The following IL33 variants were observed in gnomAD, a reference collection of about 807,000 sequenced individuals.
The protein encoded by IL33 is interleukin 33, also known as interleukin-33.
Under a neutral mutation model 27.3 loss-of-function variants are expected in IL33, and 37 were observed. That is an observed-to-expected ratio of 1.36 (90% CI 1.04 to 1.78). The LOEUF (loss-of-function observed/expected upper bound fraction) is 1.78, where lower values mean the gene tolerates loss of function less well. IL33 is among the 40% of genes most tolerant of loss of function. The probability of loss-of-function intolerance (pLI) is 0.00; values close to 1 mark genes in which losing one functional copy is unlikely to be tolerated. For missense variants in IL33, 406 were observed against 311.4 expected (o/e 1.30, Z -2.29); for synonymous variants, 132 against 102.9 (o/e 1.28, Z -1.71).
chr9:6,249,872 T>C (rs924161868), intron 2 of IL33, among the ~76,000 whole-genome samples: 2 of 152,226 alleles, frequency 1.3e-5, no homozygotes, highest in African/African-American at 4.8e-5. Flanking sequence ...TGGCCCACTG[T>C]AGACACTTAG....
chr9:6,215,328 G>A (rs187424817), upstream of IL33, among the ~76,000 whole-genome samples: 9 of 152,308 alleles, frequency 5.9e-5, no homozygotes, highest in Non-Finnish European at 1.2e-4. Flanking sequence ...AGGAAAGCCC[G>A]TCAGATATGT....
chr9:6,253,915 A>G (rs1286084281), intron 6 of IL33, among the ~76,000 whole-genome samples: 3 of 152,164 alleles, frequency 2.0e-5, no homozygotes, highest in East Asian at 1.9e-4. Flanking sequence ...ATCTCCTTCT[A>G]TCTTGTGGTT....
At chr9:6,249,095 C>G (rs529902144) in intron 2 of IL33, among the ~76,000 whole-genome samples, 9 of 152,222 alleles carry the variant, frequency 5.9e-5, no homozygotes, top group Non-Finnish European at 1.2e-4. Context: ...GATATTTCTG[C>G]ATTAAGAATC....
In IL33 at chr9:6,238,462, A is replaced by G. The variant is rs570479548; in HGVS notation, c.-11-3222A>G. The stretch of plus-strand genomic sequence containing the variant: ...GACCATTGAGGATTTTGCACATGGG[A>G]CTGGATGTAAATAGGTGGCATGCAC... On this transcript the variant is annotated intron_variant, in intron 1 of 7. Coordinates refer to ENST00000682010, the MANE Select transcript of IL33 (RefSeq NM_033439.4). Among the ~76,000 whole-genome samples, 139 of 152,268 alleles carry G rather than the reference A, an allele frequency of 9.1e-4. 1 individual carries two copies. The highest frequency in any genetic ancestry group is 1.5e-3 in the Non-Finnish European group (103 of 68,016).
At chr9:6,216,146 T>A (rs994933200) in intron 1 of IL33, among the ~76,000 whole-genome samples, 1 of 152,156 alleles carries the variant, frequency 6.6e-6, no homozygotes, top group Non-Finnish European at 1.5e-5. Context: ...TTATGTTTTT[T>A]AAGAGATGGG....
chr9:6,245,333 G>A (rs1027662669), intron 2 of IL33, among the ~76,000 whole-genome samples: 2 of 152,136 alleles, frequency 1.3e-5, no homozygotes, highest in Admixed American at 1.3e-4. Flanking sequence ...GAAACACTGG[G>A]TCCATATCTT....
At chr9:6,238,072 T>C (rs531456306) in intron 1 of IL33, among the ~76,000 whole-genome samples, 1 of 152,330 alleles carries the variant, frequency 6.6e-6, no homozygotes, top group South Asian at 2.1e-4. Context: ...TGTTTGGAGT[T>C]AAATTCCCAG....
In IL33 at chr9:6,256,023, T is replaced by G; in HGVS notation, c.668T>G (p.Met223Arg). 1.2e-6 allele frequency: 2 copies of G among 1,613,760 alleles called. No homozygotes were observed. Among genetic ancestry groups the G allele is most frequent in the Non-Finnish European group, 1.7e-6 (2 of 1,179,702 alleles). ...CAGGCCTTCTTTGTCCTTCATAATATGCACTCCAACTGTGTTTCATTTGAA... is the reference window on the plus strand; with the variant it reads ...CAGGCCTTCTTTGTCCTTCATAATAGGCACTCCAACTGTGTTTCATTTGAA... Reference protein sequence around the residue: ...PDQAFFVLHNMHSNCVSFECK... With the variant: ...PDQAFFVLHNRHSNCVSFECK... The change falls in exon 8 of 8, where the codon ATG becomes AGG. Residue 223 changes from methionine to arginine, a missense_variant. By Grantham distance (91) the Met-to-Arg change is moderately conservative (BLOSUM62 -1). Transcript: ENST00000682010.
At chr9:6,251,670 G>A (rs1401538971) in intron 4 of IL33, among the ~76,000 whole-genome samples, 2 of 151,728 alleles carry the variant, frequency 1.3e-5, no homozygotes, top group Non-Finnish European at 2.9e-5. Flanking sequence ...TAGTTAAGAT[G>A]GTTTTAAATT....
chr9:6,216,007 C>T (rs1564040815), intron 1 of IL33, among the ~76,000 whole-genome samples, 155 bp downstream of exon 1: 1 of 151,870 alleles, frequency 6.6e-6, no homozygotes. Flanking sequence ...ATGACAATAG[C>T]TGTTACTAAC....
In IL33 at chr9:6,257,839, A is replaced by G. The variant is rs1816827571; in HGVS notation, c.*1671A>G. ...TAATTGTTACCAAAGAGATAAAAAT[A>G]AAAGCAGAATGTATATCATCCCATC... On this transcript the variant is annotated 3_prime_UTR_variant, in exon 8 of 8. Coordinates refer to ENST00000682010, the MANE Select transcript of IL33 (RefSeq NM_033439.4). 1 of 152,194 alleles carries G rather than the reference A, an allele frequency of 6.6e-6. No homozygotes were observed. Among genetic ancestry groups the G allele is most frequent in the South Asian group, 2.1e-4 (1 of 4,830 alleles). The allele number at this position is 152,194 out of a possible 1,614,324, so 9.4% of individuals were successfully genotyped here.
chr9:6,238,620 C>A (rs531522823), intron 1 of IL33, among the ~76,000 whole-genome samples: 1 of 152,302 alleles, frequency 6.6e-6, no homozygotes, highest in African/African-American at 2.4e-5. Context: ...CAATGCTCTT[C>A]TTTTAACTGC....
rs375583090 is a variant in IL33, at chr9:6,243,992, A to T, written c.91+2207A>T. ...CAATCCTTTTACTTGTAGCTGAGTC[A>T]AAATGCTCTCTGTAGAAACAGTGAC... is the stretch of plus-strand genomic sequence containing the variant. On this transcript the variant is annotated intron_variant, in intron 2 of 7. Coordinates refer to ENST00000682010, the MANE Select transcript of IL33 (RefSeq NM_033439.4). 4.6e-5 allele frequency among the ~76,000 whole-genome samples: 7 copies of T among 152,350 alleles called. No individual in the cohort carries two copies. In the East Asian group the frequency reaches 7.7e-4, roughly 17 times the overall value.
At chr9:6,228,741 G>T (rs1347317519) in intron 1 of IL33, among the ~76,000 whole-genome samples, 2 of 151,632 alleles carry the variant, frequency 1.3e-5, no homozygotes, top group Non-Finnish European at 2.9e-5. Flanking sequence ...TGTATTCCTA[G>T]CTACTTGAAG....
intron 1 of IL33, among the ~76,000 whole-genome samples, chr9:6,223,949 T>G (rs935060755): frequency 3.9e-5 from 6 of 152,154 alleles, no homozygotes; most frequent in African/African-American, 1.4e-4. Context: ...AACCCAGCTC[T>G]GAGCATCAGA....
chr9:6,221,831 A>C (rs978374882), intron 1 of IL33, among the ~76,000 whole-genome samples: 1 of 152,238 alleles, frequency 6.6e-6, no homozygotes, highest in African/African-American at 2.4e-5. Context: ...AGAAGAAGTC[A>C]TATCTGTCCA....
At chr9:6,224,212 T>A (rs1818534035) in intron 1 of IL33, among the ~76,000 whole-genome samples, 1 of 152,146 alleles carries the variant, frequency 6.6e-6, no homozygotes, top group Non-Finnish European at 1.5e-5. Flanking sequence ...TCCAGTAGCA[T>A]CTAGTGGCAT....
At chr9:6,221,165 G>A (rs1428977494) in intron 1 of IL33, among the ~76,000 whole-genome samples, 1 of 152,070 alleles carries the variant, frequency 6.6e-6, no homozygotes, top group African/African-American at 2.4e-5. Flanking sequence ...ACTATCTCCA[G>A]CTTCCTGTTT....
intron 1 of IL33, among the ~76,000 whole-genome samples, chr9:6,219,543 G>C (rs1292907928): frequency 6.6e-6 from 1 of 152,112 alleles, no homozygotes; most frequent in Non-Finnish European, 1.5e-5. Flanking sequence ...CAAATTTTTA[G>C]AGGCAGTCAG....
Sources: gnomAD v4.1 joint callset for allele counts (sites outside exome capture counted in the v4.1 genomes callset) on GRCh38, gnomAD v4.1.1 for gene constraint, MANE v1.5 for transcripts, NCBI Gene and HGNC (gene_info 2026-07-23, HGNC 2026-07-21) for gene names.